The following MTMR7 variants were observed in gnomAD, a reference collection of about 807,000 sequenced individuals.
MTMR7 encodes the protein myotubularin related protein 7, also known as phosphatidylinositol-3-phosphate phosphatase MTMR7.
MTMR7 carries 76 observed loss-of-function variants against 81.2 expected under a neutral mutation model. That is an observed-to-expected ratio of 0.94 (90% CI 0.78 to 1.13). MTMR7 has a LOEUF of 1.13. Ranked by LOEUF, MTMR7 falls within the 50% of genes most tolerant of loss-of-function variation. The probability of loss-of-function intolerance (pLI) is 0.00; values close to 1 mark genes in which losing one functional copy is unlikely to be tolerated. For synonymous variants in MTMR7, 372 were observed against 289.8 expected, an observed-to-expected ratio of 1.28 and a Z score of -2.88; for missense variants, 1,044 against 820.0, an observed-to-expected ratio of 1.27 and a Z score of -3.34.
intron 1 of MTMR7, among the ~76,000 whole-genome samples, chr8:17,382,667 C>A (rs571255622): frequency 1.1e-4 from 16 of 152,158 alleles, no homozygotes; most frequent in Non-Finnish European, 1.9e-4. Flanking sequence ...ATACCCACCC[C>A]TTGGTCAGAA....
At chr8:17,408,245 C>T (rs940104839) in intron 1 of MTMR7, among the ~76,000 whole-genome samples, 1 of 115,188 alleles carries the variant, frequency 8.7e-6, no homozygotes, top group Non-Finnish European at 2.0e-5. Context: ...AAAAATTAGC[C>T]GGGCGTAGTG....
chr8:17,374,949 C>G (rs763955806), intron 1 of MTMR7, among the ~76,000 whole-genome samples: 209 of 151,740 alleles, frequency 1.4e-3, no homozygotes, highest in Non-Finnish European at 2.5e-3. Flanking sequence ...ATTAGCCAGG[C>G]GTGGTGCCCG....
chr8:17,392,448 T>C (rs1821133218), intron 1 of MTMR7, among the ~76,000 whole-genome samples: 1 of 152,216 alleles, frequency 6.6e-6, no homozygotes, highest in Non-Finnish European at 1.5e-5. Context: ...GCATCCCTTT[T>C]TAAAGCTTTC....
At position 17,301,117 on chromosome 8, in the gene MTMR7, C is replaced by T. The variant is rs117648755; in HGVS notation, c.1621-893G>A. ...GTTATAAGATCAAGTATTATGTATTCATTCAAAACCATTCACTTAGGTTAT... is the reference window on the plus strand; with the variant it reads ...GTTATAAGATCAAGTATTATGTATTTATTCAAAACCATTCACTTAGGTTAT... On this transcript the variant is annotated intron_variant, in intron 13 of 13. Transcript: ENST00000180173. Among the ~76,000 whole-genome samples, 742 of 152,318 alleles carry T rather than the reference C, an allele frequency of 4.9e-3. 7 individuals are homozygous for T. Among genetic ancestry groups the T allele is most frequent in the Middle Eastern group, 0.014 (4 of 294 alleles).
intron 4 of MTMR7, among the ~76,000 whole-genome samples, chr8:17,355,421 T>C (rs7838209): frequency 3.9e-5 from 6 of 151,916 alleles, no homozygotes; most frequent in Admixed American, 2.0e-4. Flanking sequence ...ATCCATAAAT[T>C]CAAGATATCC....
intron 1 of MTMR7, among the ~76,000 whole-genome samples, chr8:17,406,882 T>C (rs1042473696): frequency 2.6e-5 from 4 of 152,140 alleles, no homozygotes; most frequent in African/African-American, 9.7e-5. Flanking sequence ...TATTGTATGA[T>C]TAAATTTAAA....
At chr8:17,313,435 A>T in intron 7 of MTMR7, 34 bp from the exon 8 acceptor site, 2 of 1,355,926 alleles carry the variant, frequency 1.5e-6, no homozygotes, top group Non-Finnish European at 2.1e-6. Context: ...AAGCAAAATT[A>T]AGGTACTCTC....
intron 1 of MTMR7, among the ~76,000 whole-genome samples, chr8:17,402,119 A>G (rs1821444956): frequency 6.6e-6 from 1 of 152,154 alleles, no homozygotes; most frequent in African/African-American, 2.4e-5. Flanking sequence ...TTCTGAGCAC[A>G]TAGTAGGTCT....
chr8:17,300,064 G>C lies in MTMR7; in HGVS notation c.1781C>G (p.Pro594Arg). 4 of 1,614,140 alleles carry C rather than the reference G, an allele frequency of 2.5e-6. No homozygotes were observed. The highest frequency in any genetic ancestry group is 3.4e-6 in the Non-Finnish European group (4 of 1,180,016). Reference sequence around the variant, plus strand: ...AGCAGAATCTTCATCGCCTTGTGAAGGGCTCCGGGATGGAAATGATTTCAT... The same window carrying C: ...AGCAGAATCTTCATCGCCTTGTGAACGGCTCCGGGATGGAAATGATTTCAT... ...GNMKSFPSRS[P>R]SQGDEDSALI... The change falls in exon 14 of 14, where the codon CCT becomes CGT. Residue 594 changes from proline to arginine, a missense_variant. Pro to Arg is a moderately radical substitution (Grantham distance 103). Transcript: ENST00000180173.
chr8:17,390,390 G>T (rs1310099510), intron 1 of MTMR7, among the ~76,000 whole-genome samples: 1 of 152,064 alleles, frequency 6.6e-6, no homozygotes, highest in Non-Finnish European at 1.5e-5. Flanking sequence ...CCAAGGCGAT[G>T]GTGCTAAACC....
At chr8:17,403,919 T>A (rs1365363487) in intron 1 of MTMR7, among the ~76,000 whole-genome samples, 1 of 152,244 alleles carries the variant, frequency 6.6e-6, no homozygotes, top group African/African-American at 2.4e-5. Flanking sequence ...GTATTTTGAT[T>A]TCGTATCTTG....
rs1347399511 is a variant in MTMR7, at chr8:17,299,297, GA to G, written c.*564del. ...CACAATTCAAAATATATGCTCCAAG[GA>G]AAAGTTAAAGTGATGATTATGCCTG... On this transcript the variant is annotated 3_prime_UTR_variant, in exon 14 of 14. Coordinates refer to ENST00000180173, the MANE Select transcript of MTMR7 (RefSeq NM_004686.5). 2.0e-5 allele frequency: 3 copies of G among 152,266 alleles called. No homozygotes were observed. The highest frequency in any genetic ancestry group is 2.0e-4 in the Admixed American group (3 of 15,280). 9.4% of individuals were successfully genotyped at this position (152,266 alleles called of 1,614,324 possible). A position where few individuals can be genotyped will look rare whatever the true frequency, so the allele number is the denominator to read the frequency against.
At chr8:17,367,430 T>G (rs180838537) in intron 3 of MTMR7, among the ~76,000 whole-genome samples, 3 of 152,254 alleles carry the variant, frequency 2.0e-5, no homozygotes, top group Admixed American at 2.0e-4. Flanking sequence ...ATCAGAAAAG[T>G]TCAATCCTTA....
chr8:17,405,761 C>T (rs939531446), intron 1 of MTMR7, among the ~76,000 whole-genome samples: 1 of 151,564 alleles, frequency 6.6e-6, no homozygotes, highest in South Asian at 2.1e-4. Context: ...AAAAAAATCA[C>T]TTTTCAGAAG....
intron 5 of MTMR7, among the ~76,000 whole-genome samples, chr8:17,348,388 A>AT (rs1819626115): frequency 1.4e-5 from 2 of 147,372 alleles, no homozygotes; most frequent in South Asian, 4.6e-4. Context: ...AAATACAAAA[A>AT]AAAAACCCAA....
At chr8:17,351,008 C>T (rs901432961) in intron 4 of MTMR7, among the ~76,000 whole-genome samples, 3 of 152,158 alleles carry the variant, frequency 2.0e-5, no homozygotes, top group Non-Finnish European at 4.4e-5. Context: ...GCACTCCCTC[C>T]CCCTTGCCAA....
chr8:17,372,675 T>C (rs1820454202), intron 2 of MTMR7, among the ~76,000 whole-genome samples: 1 of 152,146 alleles, frequency 6.6e-6, no homozygotes, highest in Non-Finnish European at 1.5e-5. Context: ...AAATACCTGA[T>C]GATGAAGCTC....
At chr8:17,306,390 GAAAA>G (rs772416803) in intron 10 of MTMR7, among the ~76,000 whole-genome samples, 2 of 146,250 alleles carry the variant, frequency 1.4e-5, no homozygotes, top group African/African-American at 5.0e-5. Flanking sequence ...AAGACAACTT[GAAAA>G]AAAAAAATAG....
intron 7 of MTMR7, among the ~76,000 whole-genome samples, chr8:17,318,898 C>T (rs1818241340): frequency 6.6e-6 from 1 of 151,738 alleles, no homozygotes; most frequent in Non-Finnish European, 1.5e-5. Context: ...AGGCACCCAG[C>T]CCTACACCCT....
Sources: allele counts gnomAD v4.1 joint callset (sites outside exome capture counted in the v4.1 genomes callset), GRCh38; gene constraint gnomAD v4.1.1; transcripts MANE v1.5; gene names NCBI Gene and HGNC (gene_info 2026-07-23, HGNC 2026-07-21).